FBN1: variants seen among roughly 807,000 people sequenced by gnomAD.
FBN1 encodes the protein fibrillin-1.
A neutral mutation model predicts 365.1 loss-of-function variants in FBN1; 29 were observed. The ratio of observed to expected loss-of-function variants is 0.08; its 90% CI spans 0.06 to 0.11. The LOEUF (loss-of-function observed/expected upper bound fraction) is 0.11, where lower values mean the gene tolerates loss of function less well. Ranked by LOEUF, FBN1 falls within the 10% of genes least tolerant of loss-of-function variation. The probability of loss-of-function intolerance (pLI) is 1.00; values close to 1 mark genes in which losing one functional copy is unlikely to be tolerated. For missense variants in FBN1, 2,476 were observed against 3,703.2 expected, an observed-to-expected ratio of 0.67 and a Z score of 8.60; for synonymous variants, 1,210 against 1,270.5, an observed-to-expected ratio of 0.95 and a Z score of 1.01.
chr15:48,439,203 T>C (rs901412999), intron 50 of FBN1, among the ~76,000 whole-genome samples: 1 of 152,246 alleles, frequency 6.6e-6, no homozygotes. Context: ...TACCAAGTTA[T>C]GTAAATCAAA....
At chr15:48,436,681 T>A (rs1240371606) in intron 53 of FBN1, among the ~76,000 whole-genome samples, 1 of 152,182 alleles carries the variant, frequency 6.6e-6, no homozygotes, top group Admixed American at 6.5e-5. Flanking sequence ...CTTTCTAGTA[T>A]CTCTTCTGAT....
intron 6 of FBN1, among the ~76,000 whole-genome samples, chr15:48,585,824 A>G (rs1817326801): frequency 6.6e-6 from 1 of 152,346 alleles, no homozygotes; most frequent in Middle Eastern, 3.4e-3. Context: ...GACTTTTTAA[A>G]GAAAATACTG....
Position 48,516,296 on chromosome 15 carries a change from G to A in FBN1, c.1214C>T (p.Pro405Leu). The change falls in exon 11 of 66, where the codon CCC becomes CTC. Residue 405 changes from proline (P) to leucine (L), a missense_variant. Pro to Leu is a moderately conservative substitution (Grantham distance 98). This residue lies in a region of FBN1 where 421 missense variants were observed against 520.1 expected (regional missense o/e 0.81). Transcript: ENST00000316623. ...GAGAACTGGAGGAATGGGGCCAAGG[G>A]GTGGGGGAGGATATTCTGGTCTCCC... ...IPGRPEYPPPPLGPIPPVLPV... is the reference protein window; with the variant it reads ...IPGRPEYPPPLLGPIPPVLPV... 1 of 1,613,916 alleles carries A rather than the reference G, an allele frequency of 6.2e-7. No homozygotes were observed. Among genetic ancestry groups the A allele is most frequent in the Non-Finnish European group, 8.5e-7 (1 of 1,179,892 alleles).
At chr15:48,625,778 T>G (rs1176879829) in intron 2 of FBN1, among the ~76,000 whole-genome samples, 1 of 152,222 alleles carries the variant, frequency 6.6e-6, no homozygotes, top group African/African-American at 2.4e-5. Context: ...GTGACTTTAG[T>G]CTCATACCAA....
chr15:48,534,230 GAAA>G, intron 7 of FBN1, 25 bp from the exon 8 acceptor site: 2 of 1,350,276 alleles, frequency 1.5e-6, no homozygotes, highest in Non-Finnish European at 2.0e-6. Context: ...AAGACAGAGA[GAAA>G]AAAAAAAAAC....
intron 2 of FBN1, among the ~76,000 whole-genome samples, chr15:48,631,271 T>C (rs1395635961): frequency 2.0e-5 from 3 of 152,214 alleles, no homozygotes; most frequent in Non-Finnish European, 4.4e-5. Context: ...ATGAGCATTA[T>C]GTTGCTGCAT....
intron 4 of FBN1, among the ~76,000 whole-genome samples, chr15:48,603,377 C>T (rs1056934234): frequency 6.6e-6 from 1 of 151,760 alleles, no homozygotes; most frequent in African/African-American, 2.4e-5. Context: ...AAACTGTATT[C>T]GTTGTGAGTC....
rs552791964 is a variant in FBN1, at chr15:48,559,068, T to C, written c.539-21260A>G. Among the ~76,000 whole-genome samples the C allele has an allele frequency of 2.4e-4, 36 of 152,314 alleles. No individual in the cohort carries two copies. The South Asian group carries it at 6.6e-3, about 28-fold the overall frequency. Reference sequence around the variant, plus strand: ...TCACTCAACACATGCCCCAAGAGTTTTGGTCAATGCAAAGAGCAGAAGCCA... The same window carrying C: ...TCACTCAACACATGCCCCAAGAGTTCTGGTCAATGCAAAGAGCAGAAGCCA... On this transcript the variant is annotated intron_variant, in intron 6 of 65. Transcript: ENST00000316623.
At chr15:48,507,760 A>C (rs2043722792) in intron 15 of FBN1, among the ~76,000 whole-genome samples, 1 of 152,146 alleles carries the variant, frequency 6.6e-6, no homozygotes, top group Non-Finnish European at 1.5e-5. Flanking sequence ...CAGAAGCTCT[A>C]AGTGCAGCAT....
intron 6 of FBN1, among the ~76,000 whole-genome samples, chr15:48,575,436 C>T (rs2044338522): frequency 6.6e-6 from 1 of 152,072 alleles, no homozygotes; most frequent in Non-Finnish European, 1.5e-5. Context: ...TTTTACTGTA[C>T]CCATTATCTG....
chr15:48,515,190 C>T (rs991454815), intron 12 of FBN1, among the ~76,000 whole-genome samples, 197 bp downstream of exon 12: 1 of 152,136 alleles, frequency 6.6e-6, no homozygotes, highest in Admixed American at 6.5e-5. Flanking sequence ...GGAAGACAGC[C>T]CTCCCAACAC....
chr15:48,599,340 A>G (rs2044542107), intron 5 of FBN1, among the ~76,000 whole-genome samples: 2 of 152,204 alleles, frequency 1.3e-5, no homozygotes, highest in Admixed American at 6.5e-5. Context: ...TAAAATGTGT[A>G]ATGAGCATAC....
intron 2 of FBN1, among the ~76,000 whole-genome samples, chr15:48,623,447 A>C (rs979451797): frequency 1.3e-5 from 2 of 152,272 alleles, no homozygotes; most frequent in African/African-American, 2.4e-5. Context: ...CTCAGAAATC[A>C]ATATTTTCCT....
chr15:48,569,846 G>A (rs1848050), intron 6 of FBN1, among the ~76,000 whole-genome samples: 34,709 of 151,928 alleles, frequency 0.23, 6,647 homozygotes, highest in African/African-American at 0.53. Context: ...GGGGATGACC[G>A]AAATGTTCTG....
rs16960981 is a variant in FBN1 at position 48,472,745 on chromosome 15, A to G, written c.4211-69T>C. ...GCTTTCTAATTCCTCAGGTCTATCAACTTTCCAGTGCAGCAATGTTTTGGC... is the reference window on the plus strand; with the variant it reads ...GCTTTCTAATTCCTCAGGTCTATCAGCTTTCCAGTGCAGCAATGTTTTGGC... On this transcript the variant is annotated intron_variant, in intron 34 of 65. Coordinates refer to ENST00000316623, the MANE Select transcript of FBN1 (RefSeq NM_000138.5). 58,082 of 1,607,744 alleles carry G rather than the reference A, an allele frequency of 0.036. 4,659 individuals are homozygous for G. The East Asian group carries it at 0.37, about 10-fold the overall frequency.
intron 6 of FBN1, among the ~76,000 whole-genome samples, chr15:48,579,365 T>C (rs983648605): frequency 6.6e-6 from 1 of 152,222 alleles, no homozygotes; most frequent in African/African-American, 2.4e-5. Flanking sequence ...ATATAATTCC[T>C]GTTTGGCCTA....
Position 48,410,923 on chromosome 15 carries a change from G to T in FBN1, c.*67C>A. On this transcript the variant is annotated 3_prime_UTR_variant, in exon 66 of 66. Transcript: ENST00000316623. ...ACCTATGATATGATGATTCTGATTG[G>T]GGGAAAATATAGTTCTACCTATCTA... The T allele has an allele frequency of 7.2e-7, 1 of 1,394,076 alleles. No individual in the cohort carries two copies. Among genetic ancestry groups the T allele is most frequent in the South Asian group, 1.2e-5 (1 of 81,350 alleles). 86.4% of individuals were successfully genotyped at this position (1,394,076 alleles called of 1,614,324 possible).
rs982428760 is a variant in FBN1 at position 48,449,939 on chromosome 15, C to T, written c.5546-1046G>A. Among the ~76,000 whole-genome samples the T allele has an allele frequency of 2.7e-4, 41 of 152,130 alleles. 1 individual carries two copies. Among genetic ancestry groups the T allele is most frequent in the South Asian group, 2.1e-4 (1 of 4,822 alleles). ...GGACATCTCCTCCATTTCATGTGTC[C>T]GGGATGCCACTGTTATGGTTATCTC... On this transcript the variant is annotated intron_variant, in intron 45 of 65. Transcript: ENST00000316623.
chr15:48,428,910 A>C (rs1329842330), intron 56 of FBN1, among the ~76,000 whole-genome samples: 3 of 152,190 alleles, frequency 2.0e-5, no homozygotes, highest in Non-Finnish European at 4.4e-5. Flanking sequence ...CCTATTTCCC[A>C]GACACCAAAC....
Sources: gnomAD v4.1 joint callset for allele counts (sites outside exome capture counted in the v4.1 genomes callset) on GRCh38, gnomAD v4.1.1 for gene constraint, gnomAD v4.1.1 regional missense constraint, MANE v1.5 for transcripts, NCBI Gene and HGNC (gene_info 2026-07-23, HGNC 2026-07-21) for gene names.